The following MED13 variants were observed in gnomAD, a reference collection of about 807,000 sequenced individuals.
MED13 encodes the protein mediator of RNA polymerase II transcription subunit 13.
Under a neutral mutation model 225.2 loss-of-function variants are expected in MED13, and 23 were observed. The observed-to-expected ratio is 0.10, with a 90% CI of 0.07 to 0.14. MED13 has a LOEUF of 0.14. Among genes scored for constraint, MED13 ranks in the 10% least tolerant of loss-of-function variants. The pLI, the probability that MED13 is intolerant of heterozygous loss-of-function variation, is 1.00. For missense variants in MED13, 2,197 were observed against 2,594.5 expected (o/e 0.85, Z 3.33); for synonymous variants, 942 against 889.2 (o/e 1.06, Z -1.06).
At chr17:61,964,965 A>C (rs2080042298) in intron 20 of MED13, 41 bp downstream of exon 20, 1 of 1,548,622 alleles carries the variant, frequency 6.5e-7, no homozygotes. Context: ...GCAGCATCAT[A>C]GTTTTTATAT....
chr17:62,008,597 A>G (rs2080476746), intron 9 of MED13, among the ~76,000 whole-genome samples: 1 of 152,156 alleles, frequency 6.6e-6, no homozygotes, highest in Admixed American at 6.6e-5. Context: ...CATGTAGCCA[A>G]ATTATCAATC....
At chr17:61,956,789 T>G (rs1162811680) in intron 23 of MED13, among the ~76,000 whole-genome samples, 2 of 152,160 alleles carry the variant, frequency 1.3e-5, no homozygotes, top group East Asian at 3.9e-4. Context: ...TCTGCCTGCC[T>G]CGTCCCCTCA....
At chr17:62,016,256 G>A (rs886389429) in intron 8 of MED13, among the ~76,000 whole-genome samples, 1 of 150,542 alleles carries the variant, frequency 6.6e-6, no homozygotes, top group Non-Finnish European at 1.5e-5. Flanking sequence ...TGTTGCCCAG[G>A]CTGGAACACA....
intron 8 of MED13, among the ~76,000 whole-genome samples, chr17:62,016,746 T>C (rs140270847): frequency 0.072 from 10,979 of 152,276 alleles, 562 homozygotes; most frequent in Non-Finnish European, 0.12. Flanking sequence ...TGGTGGCTCA[T>C]GCCTGTAATC....
intron 2 of MED13, among the ~76,000 whole-genome samples, chr17:62,060,250 G>A (rs1312922101): frequency 4.6e-5 from 7 of 151,808 alleles, no homozygotes; most frequent in Non-Finnish European, 7.4e-5. Flanking sequence ...CTGAGATTGC[G>A]CCACTGCACT....
intron 2 of MED13, 52 bp downstream of exon 2, chr17:62,063,015 G>C: frequency 7.4e-7 from 1 of 1,343,174 alleles, no homozygotes; most frequent in East Asian, 2.3e-5. Flanking sequence ...CATTCTGGGA[G>C]AAGTATACAA....
chr17:62,002,842 T>C (rs2080408849), intron 9 of MED13, among the ~76,000 whole-genome samples: 2 of 152,380 alleles, frequency 1.3e-5, no homozygotes, highest in Middle Eastern at 6.8e-3. Flanking sequence ...CTAATAACTA[T>C]TACTTTAGAA....
At chr17:61,956,266 C>T in intron 24 of MED13, 73 bp downstream of exon 24, 2 of 1,424,554 alleles carry the variant, frequency 1.4e-6, no homozygotes, top group South Asian at 1.4e-5. Context: ...ACATATATAC[C>T]TAGACGTGGT....
intron 9 of MED13, among the ~76,000 whole-genome samples, chr17:62,000,439 CAT>C (rs1439735673): frequency 2.0e-5 from 3 of 152,206 alleles, no homozygotes; most frequent in African/African-American, 7.2e-5. Context: ...ACTGCATTCA[CAT>C]GTTTACGATG....
At chr17:62,027,901 A>G (rs2080717902) in intron 8 of MED13, among the ~76,000 whole-genome samples, 1 of 152,202 alleles carries the variant, frequency 6.6e-6, no homozygotes, top group Non-Finnish European at 1.5e-5. Flanking sequence ...CTATTATTAA[A>G]AAGTCAAAAA....
At chr17:62,021,324 C>A in intron 8 of MED13, among the ~76,000 whole-genome samples, 1 of 142,962 alleles carries the variant, frequency 7.0e-6, no homozygotes, top group Non-Finnish European at 1.5e-5. Context: ...GGGGCTGACC[C>A]CCCCACCTCC....
At chr17:61,990,529 T>TA (rs973159721) in intron 11 of MED13, among the ~76,000 whole-genome samples, 5 of 150,756 alleles carry the variant, frequency 3.3e-5, no homozygotes, top group Admixed American at 1.3e-4. Context: ...AGTAAAATGT[T>TA]AAAAAAATGT....
In MED13 at chr17:62,015,902, T is replaced by C. The variant is rs1320645767; in HGVS notation, c.1284-4669A>G. Among the ~76,000 whole-genome samples, 16 of 57,982 alleles carry C rather than the reference T, an allele frequency of 2.8e-4. 1 individual carries two copies. Among genetic ancestry groups the C allele is most frequent in the South Asian group, 8.1e-4 (1 of 1,232 alleles). The allele number at this position is 57,982 out of a possible 152,430, so 38.0% of individuals were successfully genotyped here. A position where few individuals can be genotyped will look rare whatever the true frequency, so the allele number is the denominator to read the frequency against. On this transcript the variant is annotated intron_variant, in intron 8 of 29. Coordinates refer to ENST00000397786, the MANE Select transcript of MED13 (RefSeq NM_005121.3). ...GTATATATATACACACACACACACA[T>C]ACACACTATACACATATATATATAT... is the stretch of plus-strand genomic sequence containing the variant.
chr17:62,047,020 C>T (rs934314544), intron 3 of MED13, among the ~76,000 whole-genome samples: 11 of 142,698 alleles, frequency 7.7e-5, no homozygotes, highest in Non-Finnish European at 1.5e-4. Flanking sequence ...AGAGTGTGTG[C>T]CACTGTGCCC....
intron 8 of MED13, among the ~76,000 whole-genome samples, chr17:62,022,165 CAA>C (rs35035293): frequency 4.0e-4 from 53 of 133,784 alleles, no homozygotes; most frequent in African/African-American, 8.6e-4. Context: ...AAGACTGTCT[CAA>C]AAAAAAAATA....
chr17:61,986,708 T>G (rs2080250998), intron 12 of MED13, among the ~76,000 whole-genome samples: 2 of 152,158 alleles, frequency 1.3e-5, no homozygotes, highest in Admixed American at 1.3e-4. Flanking sequence ...GGAAAATAAT[T>G]CTGCTTCCTA....
At chr17:61,995,104 TG>T in intron 10 of MED13, 47 bp downstream of exon 10, 1 of 1,262,318 alleles carries the variant, frequency 7.9e-7, no homozygotes, top group Non-Finnish European at 1.2e-6. Flanking sequence ...CTATATGCAG[TG>T]CTACAAAATC....
chr17:62,020,740 G>T (rs933392910), intron 8 of MED13, among the ~76,000 whole-genome samples: 2 of 149,684 alleles, frequency 1.3e-5, no homozygotes, highest in African/African-American at 4.9e-5. Flanking sequence ...TCGCAGAGGG[G>T]TATTTGGCAG....
At chr17:62,052,508 A>G in intron 3 of MED13, 29 bp downstream of exon 3, 2 of 1,486,752 alleles carry the variant, frequency 1.3e-6, no homozygotes, top group South Asian at 1.4e-5. Context: ...ATCTAAAGAA[A>G]TATCACGTCA....
Sources: allele counts gnomAD v4.1 joint callset (sites outside exome capture counted in the v4.1 genomes callset), GRCh38; gene constraint gnomAD v4.1.1; transcripts MANE v1.5; gene names NCBI Gene and HGNC (gene_info 2026-07-23, HGNC 2026-07-21).